The following SUGCT variants were observed in gnomAD, a reference collection of about 807,000 sequenced individuals.
SUGCT encodes succinyl-CoA:glutarate CoA-transferase.
SUGCT carries 41 observed loss-of-function variants against 55.0 expected under a neutral mutation model. That is an observed-to-expected ratio of 0.74 (90% CI 0.58 to 0.97). The LOEUF is 0.97. Ranked by LOEUF, SUGCT falls within the 50% of genes least tolerant of loss-of-function variation. The pLI is 0.00. For missense variants in SUGCT, 568 were observed against 547.8 expected, an observed-to-expected ratio of 1.04 and a Z score of -0.37; for synonymous variants, 187 against 200.4, an observed-to-expected ratio of 0.93 and a Z score of 0.56.
rs566809825 is a variant in SUGCT at position 40,135,983 on chromosome 7, A to G, written c.100+863A>G. On this transcript the variant is annotated intron_variant, in intron 1 of 13. Transcript: ENST00000335693. The stretch of plus-strand genomic sequence containing the variant: ...GCGGCCCACTATGAATCTTGAAATT[A>G]GTTGCAGGATGCAGGATTTTTTTTT... Among the ~76,000 whole-genome samples the G allele has an allele frequency of 2.1e-5, 3 of 141,600 alleles. No homozygotes were observed. The South Asian group carries it at 6.8e-4, about 32-fold the overall frequency. The allele number at this position is 141,600 out of a possible 152,430, so 92.9% of individuals were successfully genotyped here.
chr7:40,192,974 T>TG (rs60008412), intron 5 of SUGCT, among the ~76,000 whole-genome samples: 8,989 of 148,930 alleles, frequency 0.06, 858 homozygotes, highest in African/African-American at 0.2. Flanking sequence ...GTAGTGTTTT[T>TG]TTTTTTTTTT....
chr7:40,759,808 T>G (rs1011238653), intron 13 of SUGCT, among the ~76,000 whole-genome samples: 1 of 152,162 alleles, frequency 6.6e-6, no homozygotes, highest in Non-Finnish European at 1.5e-5. Context: ...TGGGATTACC[T>G]ATTTTGGGAT....
At chr7:40,612,496 C>T (rs1281288969) in intron 12 of SUGCT, among the ~76,000 whole-genome samples, 1 of 152,118 alleles carries the variant, frequency 6.6e-6, no homozygotes. Flanking sequence ...CTTTGGCAAA[C>T]CAAAGCTTTT....
At chr7:40,811,585 A>G (rs1405303003) in intron 13 of SUGCT, among the ~76,000 whole-genome samples, 1 of 152,088 alleles carries the variant, frequency 6.6e-6, no homozygotes, top group Non-Finnish European at 1.5e-5. Context: ...TTATTGGTGT[A>G]TAGAAATGCT....
At chr7:40,195,699 A>G (rs1194801460) in intron 6 of SUGCT, among the ~76,000 whole-genome samples, 1 of 149,724 alleles carries the variant, frequency 6.7e-6, no homozygotes, top group East Asian at 2.0e-4. Flanking sequence ...TTTACAGTTG[A>G]AAACAATTCT....
chr7:40,531,161 T>C (rs1435079294), intron 12 of SUGCT, among the ~76,000 whole-genome samples: 1 of 152,126 alleles, frequency 6.6e-6, no homozygotes, highest in Non-Finnish European at 1.5e-5. Flanking sequence ...CTTTAGGAGT[T>C]TGATTTGAAC....
intron 13 of SUGCT, among the ~76,000 whole-genome samples, chr7:40,821,341 A>G (rs1423512927): frequency 6.6e-6 from 1 of 152,198 alleles, no homozygotes; most frequent in Non-Finnish European, 1.5e-5. Flanking sequence ...AAGGAATGGT[A>G]CCAGCTCCTC....
At chr7:40,339,413 C>T (rs542562603) in intron 9 of SUGCT, among the ~76,000 whole-genome samples, 174 of 152,270 alleles carry the variant, frequency 1.1e-3, no homozygotes, top group African/African-American at 4.0e-3. Flanking sequence ...GCTTCCTGGC[C>T]GCTTTGTTTA....
intron 9 of SUGCT, among the ~76,000 whole-genome samples, chr7:40,447,530 GGT>G (rs1387925752): frequency 6.6e-6 from 1 of 152,072 alleles, no homozygotes; most frequent in Non-Finnish European, 1.5e-5. Context: ...ATGTGGTCTT[GGT>G]GGGGAAGTGA....
At chr7:40,504,729 C>T (rs769395353) in intron 12 of SUGCT, among the ~76,000 whole-genome samples, 4 of 152,104 alleles carry the variant, frequency 2.6e-5, no homozygotes, top group Non-Finnish European at 1.5e-5. Flanking sequence ...CCACCGTGCC[C>T]GGCCTAGATC....
At chr7:40,459,286 T>C in intron 11 of SUGCT, 88 bp downstream of exon 11, 1 of 845,934 alleles carries the variant, frequency 1.2e-6, no homozygotes, top group Admixed American at 2.7e-5. Context: ...TCTTGGCTTA[T>C]TTGAGATCAA....
the SUGCT span, among the ~76,000 whole-genome samples, chr7:40,983,857 G>A: frequency 1.3e-5 from 2 of 152,156 alleles, no homozygotes; most frequent in South Asian, 2.1e-4. Flanking sequence ...TTTATAGTGA[G>A]TGTCTTGCTA....
intron 13 of SUGCT, among the ~76,000 whole-genome samples, chr7:40,789,355 A>T (rs1395463782): frequency 6.6e-6 from 1 of 152,178 alleles, no homozygotes; most frequent in East Asian, 1.9e-4. Context: ...AAGTGAAATC[A>T]GGCAGTCTTT....
At chr7:40,800,634 C>G (rs1193959600) in intron 13 of SUGCT, among the ~76,000 whole-genome samples, 2 of 152,172 alleles carry the variant, frequency 1.3e-5, no homozygotes, top group South Asian at 4.2e-4. Context: ...CTGGATACCA[C>G]AGAAAGAAGA....
chr7:40,439,796 C>A (rs548951555), intron 9 of SUGCT, among the ~76,000 whole-genome samples: 1 of 152,326 alleles, frequency 6.6e-6, no homozygotes, highest in South Asian at 2.1e-4. Context: ...CTCATCCCTG[C>A]GCTTCACAGC....
intron 13 of SUGCT, among the ~76,000 whole-genome samples, chr7:40,795,171 T>C (rs930341885): frequency 1.3e-5 from 2 of 152,080 alleles, no homozygotes; most frequent in Non-Finnish European, 2.9e-5. Context: ...GAGAGTAGGA[T>C]AACTTATACC....
At chr7:40,635,292 AG>A (rs1330769714) in intron 12 of SUGCT, among the ~76,000 whole-genome samples, 1 of 152,168 alleles carries the variant, frequency 6.6e-6, no homozygotes, top group Non-Finnish European at 1.5e-5. Context: ...TCTCCAAAAA[AG>A]AAAAAAACAA....
At chr7:41,015,306 G>A in the SUGCT span, among the ~76,000 whole-genome samples, 2 of 152,174 alleles carry the variant, frequency 1.3e-5, no homozygotes, top group African/African-American at 4.8e-5. Flanking sequence ...ATATATATGT[G>A]TGTTATTTGT....
intron 7 of SUGCT, among the ~76,000 whole-genome samples, chr7:40,238,060 G>A (rs556918706): frequency 9.9e-5 from 15 of 152,270 alleles, no homozygotes; most frequent in African/African-American, 2.2e-4. Context: ...AGGCACCTTT[G>A]TGTGATTTAG....
Sources: allele counts gnomAD v4.1 joint callset (sites outside exome capture counted in the v4.1 genomes callset), GRCh38; gene constraint gnomAD v4.1.1; transcripts MANE v1.5; gene names NCBI Gene and HGNC (gene_info 2026-07-23, HGNC 2026-07-21).